Variants in LMBRD1 observed in about 807,000 individuals in gnomAD.
LMBRD1 encodes LMBR1 domain containing 1.
Under a neutral mutation model 74.8 loss-of-function variants are expected in LMBRD1, and 64 were observed. The observed-to-expected ratio is 0.86, with a 90% confidence interval of 0.70 to 1.05. The LOEUF is 1.05. Among genes scored for constraint, LMBRD1 ranks in the 50% least tolerant of loss-of-function variants. The pLI is 0.00. For missense variants in LMBRD1, 652 were observed against 645.9 expected, an observed-to-expected ratio of 1.01 and a Z score of -0.10; for synonymous variants, 204 against 216.3, an observed-to-expected ratio of 0.94 and a Z score of 0.50.
intron 4 of LMBRD1, among the ~76,000 whole-genome samples, 189 bp from the exon 5 acceptor site, chr6:69,749,597 T>C (rs1187816511): frequency 6.6e-6 from 1 of 151,822 alleles, no homozygotes; most frequent in Non-Finnish European, 1.5e-5. Flanking sequence ...TTGCAAAACA[T>C]GAGATTTTTT....
chr6:69,737,903 A>G (rs1366294992), intron 7 of LMBRD1, 39 bp downstream of exon 7: 1 of 1,375,384 alleles, frequency 7.3e-7, no homozygotes, highest in Admixed American at 1.7e-5. Flanking sequence ...AAATTGTTTT[A>G]TAAGGCAATT....
intron 2 of LMBRD1, among the ~76,000 whole-genome samples, chr6:69,787,083 G>A (rs893259637): frequency 2.0e-5 from 3 of 152,104 alleles, no homozygotes; most frequent in African/African-American, 4.8e-5. Context: ...CCAAAACCAC[G>A]TTGGCATCCT....
intron 14 of LMBRD1, 23 bp from the exon 15 acceptor site, chr6:69,676,564 A>G: frequency 6.6e-7 from 1 of 1,522,882 alleles, no homozygotes; most frequent in East Asian, 2.3e-5. Flanking sequence ...ATAAAAGACT[A>G]TGGTGAGATA....
chr6:69,713,899 C>A, intron 8 of LMBRD1, 102 bp from the exon 9 acceptor site: 1 of 1,233,342 alleles, frequency 8.1e-7, no homozygotes, highest in Non-Finnish European at 1.2e-6. Context: ...AGGATGGACA[C>A]TCTTTAGGCA....
intron 3 of LMBRD1, among the ~76,000 whole-genome samples, chr6:69,760,112 A>G (rs945958781): frequency 2.0e-5 from 3 of 152,198 alleles, no homozygotes; most frequent in African/African-American, 4.8e-5. Flanking sequence ...CTGAAGATGC[A>G]TATAACTTAT....
chr6:69,688,839 T>G (rs939542500), intron 14 of LMBRD1, among the ~76,000 whole-genome samples: 1 of 152,106 alleles, frequency 6.6e-6, no homozygotes, highest in South Asian at 2.1e-4. Context: ...TGAGGTAATA[T>G]ATATACTCTT....
rs1264349721 is a variant in LMBRD1 at position 69,697,722 on chromosome 6, G to A, written c.1339-81C>T. 7 of 748,660 alleles carry A rather than the reference G, an allele frequency of 9.4e-6. No homozygotes were observed. In the East Asian group the frequency reaches 1.6e-4, roughly 17 times the overall value. The allele number at this position is 748,660 out of a possible 1,614,324, so 46.4% of individuals were successfully genotyped here. A position where few individuals can be genotyped will look rare whatever the true frequency, so the allele number is the denominator to read the frequency against. Reference sequence around the variant, plus strand: ...ATTTAAAAAGTAATCACTATGAACTGTATACTCTGTATACTAACTACATCT... The same window carrying A: ...ATTTAAAAAGTAATCACTATGAACTATATACTCTGTATACTAACTACATCT... On this transcript the variant is annotated intron_variant, in intron 13 of 15. Coordinates refer to ENST00000649934, the MANE Select transcript of LMBRD1 (RefSeq NM_018368.4).
At chr6:69,733,405 TTAAC>T (rs1766904713) in intron 7 of LMBRD1, among the ~76,000 whole-genome samples, 3 of 152,206 alleles carry the variant, frequency 2.0e-5, no homozygotes, top group African/African-American at 4.8e-5. Context: ...ATTATACTAT[TTAAC>T]TACCTATCTA....
rs1582033309 is a variant in LMBRD1, at chr6:69,675,900, T to C, written c.*258A>G. ...TAATCAATTTAACACTATTATACAT[T>C]AGAGGAAAAAATTTTGCACAAACAT... On this transcript the variant is annotated 3_prime_UTR_variant, in exon 16 of 16. Coordinates refer to ENST00000649934, the MANE Select transcript of LMBRD1 (RefSeq NM_018368.4). 1 of 447,448 alleles carries C rather than the reference T, an allele frequency of 2.2e-6. No individual in the cohort carries two copies. Among genetic ancestry groups the C allele is most frequent in the South Asian group, 2.4e-5 (1 of 41,616 alleles). The allele number at this position is 447,448 out of a possible 1,614,324, so 27.7% of individuals were successfully genotyped here.
intron 6 of LMBRD1, among the ~76,000 whole-genome samples, chr6:69,740,531 G>C (rs3799117): frequency 0.36 from 54,854 of 151,944 alleles, 10,492 homozygotes; most frequent in East Asian, 0.54. Context: ...TAGTAGATGC[G>C]AGGCCTGCTA....
At chr6:69,682,099 C>G (rs1047967155) in intron 14 of LMBRD1, among the ~76,000 whole-genome samples, 1 of 151,086 alleles carries the variant, frequency 6.6e-6, no homozygotes, top group African/African-American at 2.4e-5. Context: ...AAAAAGATTT[C>G]GGAAACTAAT....
rs376747159 is a variant in LMBRD1 at position 69,677,572 on chromosome 6, C to T, written c.1418-1031G>A. On this transcript the variant is annotated intron_variant, in intron 14 of 15. Transcript: ENST00000649934. Reference sequence around the variant, plus strand: ...GGATACTTTGCTTCTGGGGGTCTTCCAATATCCTTCAGTTCAAAGTACTTA... The same window carrying T: ...GGATACTTTGCTTCTGGGGGTCTTCTAATATCCTTCAGTTCAAAGTACTTA... Among the ~76,000 whole-genome samples the T allele has an allele frequency of 3.9e-5, 6 of 152,126 alleles. No individual in the cohort carries two copies. In the East Asian group the frequency reaches 9.7e-4, roughly 24 times the overall value.
chr6:69,793,123 G>A (rs1766123442), intron 1 of LMBRD1, among the ~76,000 whole-genome samples: 1 of 152,186 alleles, frequency 6.6e-6, no homozygotes, highest in African/African-American at 2.4e-5. Context: ...ACAAACAGTA[G>A]TAGTTATTAG....
rs1337777826 is a variant in LMBRD1, at chr6:69,676,548, A to G, written c.1418-7T>C. ...CGGGTAACAGTACACTGATCTGTGA[A>G]AGCAAATAAAAGACTATGGTGAGAT... On this transcript the variant is annotated splice_polypyrimidine_tract_variant and splice_region_variant and intron_variant, in intron 14 of 15. Transcript: ENST00000649934. The G allele has an allele frequency of 1.3e-6, 2 of 1,588,500 alleles. No homozygotes were observed. Among genetic ancestry groups the G allele is most frequent in the South Asian group, 1.1e-5 (1 of 90,532 alleles).
chr6:69,726,741 A>C (rs947593372), intron 7 of LMBRD1, among the ~76,000 whole-genome samples: 1 of 150,656 alleles, frequency 6.6e-6, no homozygotes, highest in Non-Finnish European at 1.5e-5. Flanking sequence ...AAGGGTAGTG[A>C]GGCAGTGGGA....
At chr6:69,720,302 C>T (rs1341914245) in intron 7 of LMBRD1, among the ~76,000 whole-genome samples, 2 of 152,064 alleles carry the variant, frequency 1.3e-5, no homozygotes, top group African/African-American at 4.8e-5. Context: ...GAAATTATTA[C>T]CCAATATCCA....
At chr6:69,758,471 CAGCCTACTTGA>C (rs1765312277) in intron 3 of LMBRD1, among the ~76,000 whole-genome samples, 1 of 152,158 alleles carries the variant, frequency 6.6e-6, no homozygotes, top group Admixed American at 6.5e-5. Flanking sequence ...CTTCCTACTG[CAGCCTACTTGA>C]AACTGATACA....
At chr6:69,700,387 T>C (rs1766100120) in intron 12 of LMBRD1, among the ~76,000 whole-genome samples, 1 of 151,862 alleles carries the variant, frequency 6.6e-6, no homozygotes, top group Non-Finnish European at 1.5e-5. Flanking sequence ...TAAGAAATAA[T>C]ATAACTTTTG....
In LMBRD1 at chr6:69,765,932, A is replaced by G. The variant is rs939846470; in HGVS notation, c.308-13576T>C. On this transcript the variant is annotated intron_variant, in intron 3 of 15. Transcript: ENST00000649934. ...TCTGAATTGTCTGTTTCTAGTTTTC[A>G]TATCAATCTTATACTTGTGATTCTG... Among the ~76,000 whole-genome samples, 9 of 151,950 alleles carry G rather than the reference A, an allele frequency of 5.9e-5. No individual in the cohort carries two copies. The South Asian group carries it at 1.5e-3, about 24-fold the overall frequency.
Sources: allele counts gnomAD v4.1 joint callset (sites outside exome capture counted in the v4.1 genomes callset), GRCh38; gene constraint gnomAD v4.1.1; transcripts MANE v1.5; gene names NCBI Gene and HGNC (gene_info 2026-07-23, HGNC 2026-07-21).